The following MACROD2 variants were observed in gnomAD, a reference collection of about 807,000 sequenced individuals.
MACROD2 encodes mono-ADP ribosylhydrolase 2, also known as ADP-ribose glycohydrolase MACROD2.
Under a neutral mutation model 70.4 loss-of-function variants are expected in MACROD2, and 36 were observed. The observed-to-expected ratio is 0.51, with a 90% CI of 0.39 to 0.68. MACROD2 has a LOEUF of 0.68. MACROD2 is among the 30% of genes least tolerant of loss of function. The probability of loss-of-function intolerance (pLI) is 0.00; values close to 1 mark genes in which losing one functional copy is unlikely to be tolerated. For synonymous variants in MACROD2, 172 were observed against 178.8 expected (o/e 0.96, Z 0.30); for missense variants, 496 against 538.4 (o/e 0.92, Z 0.78).
Position 15,555,828 on chromosome 20 carries a change from CAAAAAA to C in MACROD2, c.645+56002_645+56007del, listed in dbSNP as rs397838341. Among the ~76,000 whole-genome samples, 7 of 18,568 alleles carry C rather than the reference CAAAAAA, an allele frequency of 3.8e-4. No individual in the cohort carries two copies. The East Asian group carries it at 9.3e-3, about 25-fold the overall frequency. 12.2% of individuals were successfully genotyped at this position (18,568 alleles called of 152,430 possible). ...TGGGTGACAGACTGAGACTCCATCT[CAAAAAA>C]AAAAAAAAAAAAAAAAAAAAGGAAA... On this transcript the variant is annotated intron_variant, in intron 8 of 17. Coordinates refer to ENST00000684519, the MANE Select transcript of MACROD2 (RefSeq NM_001351661.2).
intron 8 of MACROD2, among the ~76,000 whole-genome samples, chr20:15,751,535 A>G (rs2051269776): frequency 6.6e-6 from 1 of 152,022 alleles, no homozygotes; most frequent in Non-Finnish European, 1.5e-5. Context: ...TATGAAAGCT[A>G]TGTTTTCTTG....
intron 8 of MACROD2, among the ~76,000 whole-genome samples, chr20:15,565,293 C>A (rs532082395): frequency 2.6e-5 from 4 of 152,282 alleles, no homozygotes; most frequent in African/African-American, 7.2e-5. Flanking sequence ...GAGGTAAACA[C>A]GCAAGGAGTC....
chr20:15,004,625 G>A lies in MACROD2; in HGVS notation c.419-225315G>A, dbSNP rs989612422. ...AGCTACAAGTTAAATAACAGCAACGGCCACTTTTTTTTTTCTCACCTGCAA... is the reference window on the plus strand; with the variant it reads ...AGCTACAAGTTAAATAACAGCAACGACCACTTTTTTTTTTCTCACCTGCAA... On this transcript the variant is annotated intron_variant, in intron 5 of 17. Coordinates refer to ENST00000684519, the MANE Select transcript of MACROD2 (RefSeq NM_001351661.2). 2.6e-5 allele frequency among the ~76,000 whole-genome samples: 4 copies of A among 152,046 alleles called. No homozygotes were observed. In the East Asian group the frequency reaches 5.8e-4, roughly 22 times the overall value.
intron 5 of MACROD2, among the ~76,000 whole-genome samples, chr20:15,114,036 A>G (rs932224685): frequency 6.6e-6 from 1 of 151,920 alleles, no homozygotes; most frequent in African/African-American, 2.4e-5. Context: ...GCCTACCTCC[A>G]CCCCAAAGTC....
At chr20:15,458,628 T>G (rs1285166517) in intron 7 of MACROD2, among the ~76,000 whole-genome samples, 1 of 129,494 alleles carries the variant, frequency 7.7e-6, no homozygotes, top group Non-Finnish European at 1.7e-5. Context: ...TGTTTTTTTG[T>G]TTTTTTTTTT....
chr20:14,113,095 G>A (rs1486903188), intron 3 of MACROD2, among the ~76,000 whole-genome samples: 1 of 151,914 alleles, frequency 6.6e-6, no homozygotes, highest in Non-Finnish European at 1.5e-5. Context: ...TTTTGATAAG[G>A]AAAGGTTGAG....
chr20:14,643,618 T>A (rs1435342639), intron 4 of MACROD2, among the ~76,000 whole-genome samples: 1 of 152,210 alleles, frequency 6.6e-6, no homozygotes, highest in Non-Finnish European at 1.5e-5. Context: ...CATAATGTAC[T>A]CTTCCTTAAA....
At chr20:16,005,187 TC>T (rs1568702262) in intron 15 of MACROD2, among the ~76,000 whole-genome samples, 1 of 152,060 alleles carries the variant, frequency 6.6e-6, no homozygotes, top group Non-Finnish European at 1.5e-5. Context: ...AAAAATAGGA[TC>T]GGGGGCATAA....
At chr20:15,441,389 C>T (rs189941387) in intron 7 of MACROD2, among the ~76,000 whole-genome samples, 1 of 152,158 alleles carries the variant, frequency 6.6e-6, no homozygotes, top group Non-Finnish European at 1.5e-5. Flanking sequence ...GCAGTGAAAC[C>T]CATGGGCAGG....
Position 14,917,791 on chromosome 20 carries a change from T to C in MACROD2, c.418+232832T>C, listed in dbSNP as rs556948132. ...ACTAAAAAAGATAAGGGCTGGTTGT[T>C]GTCCTTTAGTTGGTGATTTAATGAA... On this transcript the variant is annotated intron_variant, in intron 5 of 17. Transcript: ENST00000684519. Among the ~76,000 whole-genome samples the C allele has an allele frequency of 5.9e-5, 9 of 152,248 alleles. No individual in the cohort carries two copies. In the South Asian group the frequency reaches 8.3e-4, roughly 14 times the overall value.
rs72623537 is a variant in MACROD2, at chr20:15,082,546, T to C, written c.419-147394T>C. Among the ~76,000 whole-genome samples, 1,056 of 129,620 alleles carry C rather than the reference T, an allele frequency of 8.1e-3. 16 individuals are homozygous for C. The highest frequency in any genetic ancestry group is 0.013 in the African/African-American group (458 of 34,844). The allele number at this position is 129,620 out of a possible 152,430, so 85.0% of individuals were successfully genotyped here. ...AGGTTTTTTTTTTTTTTTTTTTTTT[T>C]CCTAAGCTGAAGATAGAACTGTTTT... On this transcript the variant is annotated intron_variant, in intron 5 of 17. Coordinates refer to ENST00000684519, the MANE Select transcript of MACROD2 (RefSeq NM_001351661.2).
At chr20:15,633,219 GT>G (rs11478505) in intron 8 of MACROD2, among the ~76,000 whole-genome samples, 70,598 of 150,948 alleles carry the variant, frequency 0.47, 17,890 homozygotes, top group African/African-American at 0.68. Flanking sequence ...AAGAGGACTA[GT>G]TTTTTTTTTA....
At chr20:15,156,646 C>T (rs1056809510) in intron 5 of MACROD2, among the ~76,000 whole-genome samples, 2 of 152,112 alleles carry the variant, frequency 1.3e-5, no homozygotes, top group Middle Eastern at 3.2e-3. Flanking sequence ...CCACCCTAGG[C>T]CTGGGTGATT....
chr20:14,678,624 G>A (rs946161453), intron 4 of MACROD2, among the ~76,000 whole-genome samples: 5 of 151,982 alleles, frequency 3.3e-5, no homozygotes, highest in Admixed American at 6.6e-5. Flanking sequence ...CTGTCAGCCC[G>A]AGTACAAACT....
chr20:15,277,043 G>A (rs1393126790), intron 6 of MACROD2, among the ~76,000 whole-genome samples: 1 of 152,174 alleles, frequency 6.6e-6, no homozygotes, highest in African/African-American at 2.4e-5. Flanking sequence ...AGCAAAATTT[G>A]TTACCTCAAA....
intron 5 of MACROD2, among the ~76,000 whole-genome samples, chr20:14,719,856 A>G (rs1326257814): frequency 6.6e-6 from 1 of 152,198 alleles, no homozygotes; most frequent in Non-Finnish European, 1.5e-5. Flanking sequence ...ATCTTCAGCC[A>G]AGTCCCACCA....
intron 4 of MACROD2, among the ~76,000 whole-genome samples, chr20:14,613,559 A>C (rs942872781): frequency 5.9e-5 from 9 of 152,216 alleles, no homozygotes; most frequent in Middle Eastern, 3.4e-3. Context: ...TTAAGTATGG[A>C]GATAAAAAGA....
intron 5 of MACROD2, among the ~76,000 whole-genome samples, chr20:14,787,466 A>AG (rs2072389143): frequency 6.6e-6 from 1 of 152,080 alleles, no homozygotes; most frequent in South Asian, 2.1e-4. Context: ...GTCAGAGCGA[A>AG]GGTAAGTTGA....
At chr20:15,400,167 C>A (rs1038045909) in intron 6 of MACROD2, among the ~76,000 whole-genome samples, 14 of 152,228 alleles carry the variant, frequency 9.2e-5, no homozygotes, top group Non-Finnish European at 1.8e-4. Context: ...AAACAACAAA[C>A]CTATTTAAGC....
Sources: gnomAD v4.1 joint callset for allele counts (sites outside exome capture counted in the v4.1 genomes callset) on GRCh38, gnomAD v4.1.1 for gene constraint, MANE v1.5 for transcripts, NCBI Gene and HGNC (gene_info 2026-07-23, HGNC 2026-07-21) for gene names.